Variants in ZSCAN29 observed in about 807,000 individuals in gnomAD.
ZSCAN29 encodes zinc finger and SCAN domain containing 29.
In ZSCAN29, 55 loss-of-function variants were observed where a neutral mutation model predicts 71.9. That is an observed-to-expected ratio of 0.76 (90% CI 0.62 to 0.96). The LOEUF (loss-of-function observed/expected upper bound fraction) is 0.96, where lower values mean the gene tolerates loss of function less well. Ranked by LOEUF, ZSCAN29 falls within the 40% of genes least tolerant of loss-of-function variation. ZSCAN29 has a pLI of 0.00. For synonymous variants in ZSCAN29, 351 were observed against 371.6 expected (o/e 0.94, Z 0.64); for missense variants, 1,042 against 1,042.2 (o/e 1.00, Z 0.00).
chr15:43,366,109 C>A lies in ZSCAN29; in HGVS notation c.1222+1G>T. The A allele has an allele frequency of 1.3e-6, 2 of 1,588,406 alleles. No individual in the cohort carries two copies. Among genetic ancestry groups the A allele is most frequent in the Non-Finnish European group, 1.7e-6 (2 of 1,167,768 alleles). On this transcript the variant is annotated splice_donor_variant, in intron 4 of 5. Transcript: ENST00000684362. LOFTEE classifies it high-confidence loss of function. The stretch of plus-strand genomic sequence containing the variant: ...AAACTCCAAGAAGAAAAGCTTCTTA[C>A]CACCTGGGCTTCTGAACACAACAGG...
chr15:43,361,413 CCACACT>C lies in ZSCAN29; in HGVS notation c.2213_2218del (p.Glu738_Cys739del). On this transcript the variant is annotated inframe_deletion, in exon 6 of 6. Transcript: ENST00000684362. ...GCTTGAGCTCTGATTGAAGCATTTCCCACACTCACCACATTGATAAGGTTTCTCTCC... is the reference window on the plus strand; with the variant it reads ...GCTTGAGCTCTGATTGAAGCATTTCCCACCACATTGATAAGGTTTCTCTCC... 1 of 1,614,174 alleles carries C rather than the reference CCACACT, an allele frequency of 6.2e-7. No individual in the cohort carries two copies. Among genetic ancestry groups the C allele is most frequent in the East Asian group, 2.2e-5 (1 of 44,892 alleles).
Position 43,363,985 on chromosome 15 carries a change from A to C in ZSCAN29, c.1620T>G (p.Asp540Glu). 1 of 1,614,168 alleles carries C rather than the reference A, an allele frequency of 6.2e-7. No individual in the cohort carries two copies. Among genetic ancestry groups the C allele is most frequent in the Non-Finnish European group, 8.5e-7 (1 of 1,180,012 alleles). Residue 540 changes from aspartate (D) to glutamate (E), a missense_variant, in exon 5 of 6, where the codon GAT (aspartate) becomes GAG (glutamate). Transcript: ENST00000684362. ...CTGGGGGTATCTCAGTATCCTCTTC[A>C]TCATCATCAGAATCTTCCTCTGTGG... ...DEATEEDSDD[D>E]EEDTEIPPGA...
At chr15:43,362,874 TATGAAA>T (rs1226525311) in intron 5 of ZSCAN29, among the ~76,000 whole-genome samples, 2 of 152,318 alleles carry the variant, frequency 1.3e-5, no homozygotes, top group African/African-American at 2.4e-5. Context: ...CTTAAAGACT[TATGAAA>T]ATGAAAACTA....
At position 43,360,106 on chromosome 15, in the gene ZSCAN29, T is replaced by A. The variant is rs375907375; in HGVS notation, c.*967A>T. 6.6e-6 allele frequency: 1 copy of A among 152,174 alleles called. No homozygotes were observed. The highest frequency in any genetic ancestry group is 1.5e-5 in the Non-Finnish European group (1 of 68,038). The allele number at this position is 152,174 out of a possible 1,614,324, so 9.4% of individuals were successfully genotyped here. Reference sequence around the variant, plus strand: ...GCTCACACCTGTAATCCCAGCACTTTGGGAGACCTAGGCAGGCAGATCATG... The same window carrying A: ...GCTCACACCTGTAATCCCAGCACTTAGGGAGACCTAGGCAGGCAGATCATG... On this transcript the variant is annotated 3_prime_UTR_variant, in exon 6 of 6. Coordinates refer to ENST00000684362, the MANE Select transcript of ZSCAN29 (RefSeq NM_001372080.1).
intron 1 of ZSCAN29, 32 bp downstream of exon 1, chr15:43,370,526 T>A (rs1476766679): frequency 6.6e-6 from 1 of 152,458 alleles, no homozygotes; most frequent in Non-Finnish European, 1.5e-5. Flanking sequence ...CCCCGCGTAG[T>A]AGTAGCCGCT....
chr15:43,365,156 G>C (rs72707534), intron 4 of ZSCAN29, among the ~76,000 whole-genome samples: 4 of 152,220 alleles, frequency 2.6e-5, no homozygotes, highest in South Asian at 4.2e-4. Context: ...TGCAACTTTA[G>C]CGATGTAGTC....
rs2142723221 is a variant in ZSCAN29 at position 43,360,836 on chromosome 15, T to G, written c.*237A>C. 1 of 514,068 alleles carries G rather than the reference T, an allele frequency of 1.9e-6. No homozygotes were observed. The highest frequency in any genetic ancestry group is 3.1e-5 in the East Asian group (1 of 32,310). The allele number at this position is 514,068 out of a possible 1,614,324, so 31.8% of individuals were successfully genotyped here. ...ACCATAGGCACTGAGAGGGAAAAGA[T>G]GTTATCCATCAATTCAGATGCAGGC... On this transcript the variant is annotated 3_prime_UTR_variant, in exon 6 of 6. Coordinates refer to ENST00000684362, the MANE Select transcript of ZSCAN29 (RefSeq NM_001372080.1).
chr15:43,362,489 CA>C (rs2043992301), intron 5 of ZSCAN29, among the ~76,000 whole-genome samples: 1 of 152,046 alleles, frequency 6.6e-6, no homozygotes, highest in African/African-American at 2.4e-5. Flanking sequence ...TTCAAAGAAC[CA>C]AAAGGCCCTA....
chr15:43,369,814 C>T lies in ZSCAN29; in HGVS notation c.100G>A (p.Glu34Lys), dbSNP rs2044082330. Reference sequence around the variant, plus strand: ...AGTTCCCAGAGTTGGCTGAAAGCCTCCCGCGGCCCAGCCACCTCCTGGTAA... The same window carrying T: ...AGTTCCCAGAGTTGGCTGAAAGCCTTCCGCGGCCCAGCCACCTCCTGGTAA... ...FHYQEVAGPREAFSQLWELCC... is the reference protein window; with the variant it reads ...FHYQEVAGPRKAFSQLWELCC... Residue 34 changes from glutamate to lysine, a missense_variant, in exon 2 of 6, where the codon GAG (glutamate) becomes AAG (lysine). Physicochemically the swap from Glu to Lys is moderately conservative, Grantham distance 56. Transcript: ENST00000684362. The T allele has an allele frequency of 1.9e-6, 3 of 1,614,080 alleles. No homozygotes were observed. Among genetic ancestry groups the T allele is most frequent in the Admixed American group, 1.7e-5 (1 of 60,006 alleles).
In ZSCAN29 at chr15:43,371,011, C is replaced by G; in HGVS notation, c.-566G>C. 4.2e-6 allele frequency: 1 copy of G among 240,842 alleles called. No homozygotes were observed. 14.9% of individuals were successfully genotyped at this position (240,842 alleles called of 1,614,324 possible). A position where few individuals can be genotyped will look rare whatever the true frequency, so the allele number is the denominator to read the frequency against. On this transcript the variant is annotated 5_prime_UTR_variant, in exon 1 of 6. Coordinates refer to ENST00000684362, the MANE Select transcript of ZSCAN29 (RefSeq NM_001372080.1). ...GGCCCCGGCCCCGGCCCCGGCTCTC[C>G]AGCCTCCCAAGTACAGCTCCCAAAC...
intron 3 of ZSCAN29, among the ~76,000 whole-genome samples, chr15:43,368,619 ACAAC>A (rs1484324189): frequency 2.0e-5 from 3 of 152,038 alleles, no homozygotes; most frequent in African/African-American, 7.2e-5. Context: ...AAGATGGAAA[ACAAC>A]CAAAAGGAAG....
Position 43,371,001 on chromosome 15 carries a change from C to G in ZSCAN29, c.-556G>C, listed in dbSNP as rs1595471716. 1.3e-5 allele frequency: 4 copies of G among 317,570 alleles called. No individual in the cohort carries two copies. The highest frequency in any genetic ancestry group is 1.8e-5 in the Non-Finnish European group (3 of 171,118). The allele number at this position is 317,570 out of a possible 1,614,324, so 19.7% of individuals were successfully genotyped here. A position where few individuals can be genotyped will look rare whatever the true frequency, so the allele number is the denominator to read the frequency against. On this transcript the variant is annotated 5_prime_UTR_variant, in exon 1 of 6. Transcript: ENST00000684362. ...CCCCGGCCCCGGCCCCGGCCCCGGC[C>G]CCGGCTCTCCAGCCTCCCAAGTACA... is the stretch of plus-strand genomic sequence containing the variant.
At chr15:43,364,512 C>A in intron 4 of ZSCAN29, 130 bp from the exon 5 acceptor site, 1 of 876,512 alleles carries the variant, frequency 1.1e-6, no homozygotes, top group Non-Finnish European at 1.8e-6. Flanking sequence ...AAAAATACTT[C>A]ATGTTTCCAA....
At chr15:43,362,959 G>T (rs1050059724) in intron 5 of ZSCAN29, among the ~76,000 whole-genome samples, 2 of 151,708 alleles carry the variant, frequency 1.3e-5, no homozygotes, top group African/African-American at 2.4e-5. Flanking sequence ...TATGAGGTAG[G>T]TCTTAATATA....
At position 43,370,979 on chromosome 15, in the gene ZSCAN29, C is replaced by A. The variant is rs984293681; in HGVS notation, c.-534G>T. The A allele has an allele frequency of 2.5e-5, 3 of 121,280 alleles. No homozygotes were observed. The highest frequency in any genetic ancestry group is 3.8e-5 in the Non-Finnish European group (3 of 78,392). The allele number at this position is 121,280 out of a possible 1,614,324, so 7.5% of individuals were successfully genotyped here. On this transcript the variant is annotated 5_prime_UTR_variant, in exon 1 of 6. Transcript: ENST00000684362. ...CCCACTCGGGGTCCGACCCTGACCCCGGCCCCGGCCCCGGCCCCGGCCCCG... is the reference window on the plus strand; with the variant it reads ...CCCACTCGGGGTCCGACCCTGACCCAGGCCCCGGCCCCGGCCCCGGCCCCG...
Position 43,360,962 on chromosome 15 carries a change from AGTG to A in ZSCAN29, c.*108_*110del. On this transcript the variant is annotated 3_prime_UTR_variant, in exon 6 of 6. Transcript: ENST00000684362. ...GAACAAACAGTGGCATAAATCCTAA[AGTG>A]AATTTCCTAAGCTAACTGGACACAG... The A allele has an allele frequency of 7.1e-7, 1 of 1,400,332 alleles. No individual in the cohort carries two copies. Among genetic ancestry groups the A allele is most frequent in the Non-Finnish European group, 9.6e-7 (1 of 1,040,112 alleles). 86.7% of individuals were successfully genotyped at this position (1,400,332 alleles called of 1,614,324 possible).
chr15:43,370,101 T>C (rs2044086843), intron 1 of ZSCAN29, 76 bp from the exon 2 acceptor site: 2 of 634,282 alleles, frequency 3.2e-6, no homozygotes, highest in Non-Finnish European at 5.2e-6. Context: ...TGGCCTGCCT[T>C]TCCATGTGCT....
In ZSCAN29 at chr15:43,370,885, C is replaced by T. The variant is rs2142744646; in HGVS notation, c.-440G>A. The T allele has an allele frequency of 5.3e-6, 1 of 188,230 alleles. No homozygotes were observed. The highest frequency in any genetic ancestry group is 1.1e-5 in the Non-Finnish European group (1 of 89,116). The allele number at this position is 188,230 out of a possible 1,614,324, so 11.7% of individuals were successfully genotyped here. A position where few individuals can be genotyped will look rare whatever the true frequency, so the allele number is the denominator to read the frequency against. ...CGCCCTGAGGGCGCCCTCCAGCCCA[C>T]CCCTGGGAGCGTCTCCCTCTCGAGC... is the stretch of plus-strand genomic sequence containing the variant. On this transcript the variant is annotated 5_prime_UTR_variant, in exon 1 of 6. In the 5' UTR this introduces an upstream ATG that the reference lacks. Transcript: ENST00000684362.
chr15:43,364,393 A>C lies in ZSCAN29; in HGVS notation c.1223-11T>G. The C allele has an allele frequency of 1.2e-6, 2 of 1,611,892 alleles. No homozygotes were observed. Among genetic ancestry groups the C allele is most frequent in the Non-Finnish European group, 1.7e-6 (2 of 1,179,384 alleles). On this transcript the variant is annotated splice_polypyrimidine_tract_variant and intron_variant, in intron 4 of 5. Coordinates refer to ENST00000684362, the MANE Select transcript of ZSCAN29 (RefSeq NM_001372080.1). ...AGCCCCAGTGTACACCTGCCACCAG[A>C]AGAGAAATTTCAGCACCACTTAATC...
Sources: gnomAD v4.1 joint callset for allele counts (sites outside exome capture counted in the v4.1 genomes callset) on GRCh38, gnomAD v4.1.1 for gene constraint, MANE v1.5 for transcripts, NCBI Gene and HGNC (gene_info 2026-07-23, HGNC 2026-07-21) for gene names.